EXOSC7: variants seen among roughly 807,000 people sequenced by gnomAD.
The protein encoded by EXOSC7 is exosome complex component RRP42.
In EXOSC7, 25 loss-of-function variants were observed where a neutral mutation model predicts 34.3. The ratio of observed to expected loss-of-function variants is 0.73; its 90% confidence interval spans 0.53 to 1.02. The LOEUF is 1.02. EXOSC7 is among the 50% of genes least tolerant of loss of function. The probability of loss-of-function intolerance (pLI) is 0.00; values close to 1 mark genes in which losing one functional copy is unlikely to be tolerated. For synonymous variants in EXOSC7, 130 were observed against 143.0 expected, an observed-to-expected ratio of 0.91 and a Z score of 0.65; for missense variants, 370 against 368.5, an observed-to-expected ratio of 1.00 and a Z score of -0.03.
intron 5 of EXOSC7, among the ~76,000 whole-genome samples, chr3:45,003,816 T>A (rs538876278): frequency 6.6e-6 from 1 of 152,224 alleles, no homozygotes; most frequent in Non-Finnish European, 1.5e-5. Flanking sequence ...ACTTTTGTAC[T>A]TGATATAAAT....
At chr3:45,000,984 C>T (rs1051372269) in intron 4 of EXOSC7, among the ~76,000 whole-genome samples, 2 of 152,182 alleles carry the variant, frequency 1.3e-5, no homozygotes, top group Admixed American at 1.3e-4. Context: ...GTAAGCACAG[C>T]TATGACAAGG....
At chr3:45,001,807 G>C (rs1034588115) in intron 5 of EXOSC7, 199 bp downstream of exon 5, 1 of 472,072 alleles carries the variant, frequency 2.1e-6, no homozygotes, top group Non-Finnish European at 3.7e-6. Flanking sequence ...CGTATATTCT[G>C]TATTTATTTT....
intron 5 of EXOSC7, among the ~76,000 whole-genome samples, chr3:45,003,723 G>C (rs1451326154): frequency 6.6e-6 from 1 of 152,162 alleles, no homozygotes; most frequent in Non-Finnish European, 1.5e-5. Context: ...AATGTTGCCA[G>C]CACCCCAGAA....
intron 4 of EXOSC7, among the ~76,000 whole-genome samples, chr3:44,999,798 T>G (rs1369119336): frequency 6.6e-6 from 1 of 152,236 alleles, no homozygotes; most frequent in South Asian, 2.1e-4. Context: ...ATTCACATAG[T>G]TTTCATCAGT....
chr3:44,979,009 C>G (rs1350965108), intron 1 of EXOSC7, among the ~76,000 whole-genome samples: 1 of 152,166 alleles, frequency 6.6e-6, no homozygotes, highest in Non-Finnish European at 1.5e-5. Context: ...CTCACCAGTA[C>G]CATGGACATA....
At position 45,001,533 on chromosome 3, in the gene EXOSC7, C is replaced by T. The variant is rs780893012; in HGVS notation, c.421-5C>T. The T allele has an allele frequency of 6.2e-7, 1 of 1,611,114 alleles. No individual in the cohort carries two copies. Among genetic ancestry groups the T allele is most frequent in the African/African-American group, 1.3e-5 (1 of 74,906 alleles). ...TTTTCCTTTTTCAATTCCTGTCTCC[C>T]TTAGCTTCTGGAATGTGGTGGAAAT... On this transcript the variant is annotated splice_polypyrimidine_tract_variant and splice_region_variant and intron_variant, in intron 4 of 7. Coordinates refer to ENST00000265564, the MANE Select transcript of EXOSC7 (RefSeq NM_015004.4).
At chr3:44,986,349 T>C (rs1706414532) in intron 1 of EXOSC7, among the ~76,000 whole-genome samples, 1 of 152,210 alleles carries the variant, frequency 6.6e-6, no homozygotes, top group African/African-American at 2.4e-5. Flanking sequence ...CCTCACTGCC[T>C]GGGGCCAGCT....
intron 1 of EXOSC7, among the ~76,000 whole-genome samples, chr3:44,978,154 G>A (rs1333575681): frequency 6.6e-6 from 1 of 152,214 alleles, no homozygotes; most frequent in African/African-American, 2.4e-5. Flanking sequence ...AGTTAGTGGA[G>A]GTTGAAGTTA....
chr3:44,998,606 A>G (rs1371530596), intron 4 of EXOSC7, among the ~76,000 whole-genome samples: 2 of 152,208 alleles, frequency 1.3e-5, no homozygotes, highest in Non-Finnish European at 2.9e-5. Flanking sequence ...TGTTGGCTCT[A>G]TTGAGACAGG....
Position 45,011,430 on chromosome 3 carries a change from A to G in EXOSC7, c.*91A>G. On this transcript the variant is annotated 3_prime_UTR_variant, in exon 8 of 8. Coordinates refer to ENST00000265564, the MANE Select transcript of EXOSC7 (RefSeq NM_015004.4). Reference sequence around the variant, plus strand: ...TTTTTCTTCGCTGTTACGAATTTACAGCAGCATTTGTACATGTAAAATTAA... The same window carrying G: ...TTTTTCTTCGCTGTTACGAATTTACGGCAGCATTTGTACATGTAAAATTAA... The G allele has an allele frequency of 2.5e-6, 2 of 803,250 alleles. No homozygotes were observed. Among genetic ancestry groups the G allele is most frequent in the South Asian group, 1.7e-5 (1 of 59,272 alleles). 49.8% of individuals were successfully genotyped at this position (803,250 alleles called of 1,614,324 possible).
chr3:44,995,514 A>G (rs1706697861), intron 3 of EXOSC7, among the ~76,000 whole-genome samples: 1 of 152,214 alleles, frequency 6.6e-6, no homozygotes, highest in African/African-American at 2.4e-5. Flanking sequence ...TAAGCACTTA[A>G]GACCTGGGAC....
At chr3:44,989,410 C>G (rs1706509898) in intron 2 of EXOSC7, 140 bp from the exon 3 acceptor site, 3 of 811,822 alleles carry the variant, frequency 3.7e-6, no homozygotes, top group Admixed American at 2.4e-5. Flanking sequence ...AGACTGCTCA[C>G]CTCCTCCAAA....
At position 44,989,258 on chromosome 3, in the gene EXOSC7, T is replaced by C. The variant is rs200168665; in HGVS notation, c.159+17T>C. 109 of 1,581,492 alleles carry C rather than the reference T, an allele frequency of 6.9e-5. No individual in the cohort carries two copies. In the East Asian group the frequency reaches 2.3e-3, roughly 34 times the overall value. On this transcript the variant is annotated intron_variant, in intron 2 of 7. Transcript: ENST00000265564. Reference sequence around the variant, plus strand: ...GTCAAGCTGGTGAGTACTGTGACCATGGTTCAAGCCCAGGTGGAGAAATGA... The same window carrying C: ...GTCAAGCTGGTGAGTACTGTGACCACGGTTCAAGCCCAGGTGGAGAAATGA...
chr3:44,986,662 A>G lies in EXOSC7; in HGVS notation c.58-2478A>G, dbSNP rs891469231. Among the ~76,000 whole-genome samples, 9 of 152,332 alleles carry G rather than the reference A, an allele frequency of 5.9e-5. No homozygotes were observed. In the South Asian group the frequency reaches 1.0e-3, roughly 18 times the overall value. On this transcript the variant is annotated intron_variant, in intron 1 of 7. Transcript: ENST00000265564. ...GCTGCCAGCACGCTGTCACCTCTCAATATCTTCCAGGGAGGAAAGGTGCTG... is the reference window on the plus strand; with the variant it reads ...GCTGCCAGCACGCTGTCACCTCTCAGTATCTTCCAGGGAGGAAAGGTGCTG...
intron 4 of EXOSC7, among the ~76,000 whole-genome samples, chr3:44,998,031 G>GTTTT (rs200353427): frequency 2.5e-4 from 36 of 142,832 alleles, no homozygotes; most frequent in African/African-American, 2.4e-4. Flanking sequence ...ATTTTTTTTT[G>GTTTT]TTTTTTTGTT....
At chr3:45,008,151 G>A (rs1707106900) in intron 7 of EXOSC7, among the ~76,000 whole-genome samples, 1 of 152,218 alleles carries the variant, frequency 6.6e-6, no homozygotes, top group African/African-American at 2.4e-5. Context: ...TGCCCCACAT[G>A]TCTGTCACCT....
intron 3 of EXOSC7, among the ~76,000 whole-genome samples, chr3:44,994,857 GT>G (rs751062291): frequency 0.2 from 613 of 3,050 alleles, 2 homozygotes; most frequent in Middle Eastern, 0.25. Context: ...GGAAGAATGG[GT>G]GTGTGTGTGT....
At chr3:44,992,639 GT>G (rs1706604584) in intron 3 of EXOSC7, among the ~76,000 whole-genome samples, 1 of 152,190 alleles carries the variant, frequency 6.6e-6, no homozygotes, top group African/African-American at 2.4e-5. Context: ...CATGTCTTTG[GT>G]TTGCTGGTTG....
intron 4 of EXOSC7, among the ~76,000 whole-genome samples, chr3:44,998,491 A>G (rs1047170148): frequency 6.6e-6 from 1 of 152,248 alleles, no homozygotes; most frequent in Non-Finnish European, 1.5e-5. Context: ...GATGAAGGAC[A>G]AAAAGCTAAG....
Sources: gnomAD v4.1 joint callset for allele counts (sites outside exome capture counted in the v4.1 genomes callset) on GRCh38, gnomAD v4.1.1 for gene constraint, MANE v1.5 for transcripts, NCBI Gene and HGNC (gene_info 2026-07-23, HGNC 2026-07-21) for gene names.